The following NELL2 variants were observed in gnomAD, a reference collection of about 807,000 sequenced individuals.
NELL2 encodes the protein protein kinase C-binding protein NELL2.
NELL2 carries 41 observed loss-of-function variants against 109.6 expected under a neutral mutation model. That is an observed-to-expected ratio of 0.37 (90% CI 0.29 to 0.49). The LOEUF (loss-of-function observed/expected upper bound fraction) is 0.49. Ranked by LOEUF, NELL2 falls within the 20% of genes least tolerant of loss-of-function variation. NELL2 has a pLI of 0.98. For synonymous variants in NELL2, 355 were observed against 344.7 expected, an observed-to-expected ratio of 1.03 and a Z score of -0.33; for missense variants, 900 against 1,008.3, an observed-to-expected ratio of 0.89 and a Z score of 1.45.
At chr12:44,541,987 T>G (rs561579843) in intron 15 of NELL2, among the ~76,000 whole-genome samples, 2 of 152,330 alleles carry the variant, frequency 1.3e-5, no homozygotes, top group Non-Finnish European at 2.9e-5. Context: ...ATACACAATG[T>G]TGCCTCACAA....
chr12:44,802,453 C>T (rs543221592), intron 3 of NELL2, among the ~76,000 whole-genome samples: 108 of 151,710 alleles, frequency 7.1e-4, no homozygotes, highest in African/African-American at 2.1e-3. Context: ...CATATATATA[C>T]GCTGATCGTG....
intron 1 of NELL2, among the ~76,000 whole-genome samples, chr12:44,913,257 A>C (rs1309207077): frequency 6.6e-6 from 1 of 152,126 alleles, no homozygotes; most frequent in Non-Finnish European, 1.5e-5. Context: ...TTGAAACATC[A>C]ATCTTTACCC....
At chr12:44,681,704 G>A (rs1948513414) in intron 12 of NELL2, among the ~76,000 whole-genome samples, 1 of 152,064 alleles carries the variant, frequency 6.6e-6, no homozygotes, top group Non-Finnish European at 1.5e-5. Flanking sequence ...TACTGAGAAT[G>A]ATGATTTCCA....
intron 9 of NELL2, among the ~76,000 whole-genome samples, chr12:44,728,319 A>C (rs2136467341): frequency 6.6e-6 from 1 of 152,272 alleles, no homozygotes; most frequent in East Asian, 1.9e-4. Context: ...ACAGATATTT[A>C]GAATGTAAGA....
At chr12:44,754,992 CATTT>C (rs1490203420) in intron 9 of NELL2, among the ~76,000 whole-genome samples, 3 of 152,140 alleles carry the variant, frequency 2.0e-5, no homozygotes, top group South Asian at 2.1e-4. Flanking sequence ...TAGATCCATT[CATTT>C]GTTTTGAACA....
At chr12:44,879,365 A>G (rs374605187), upstream of NELL2, among the ~76,000 whole-genome samples, 2 of 152,308 alleles carry the variant, frequency 1.3e-5, no homozygotes, top group East Asian at 1.9e-4. Context: ...TCCACGGAAA[A>G]CTAATATAAG....
At chr12:44,592,211 T>A (rs1254268118) in intron 15 of NELL2, among the ~76,000 whole-genome samples, 7 of 152,162 alleles carry the variant, frequency 4.6e-5, no homozygotes, top group Admixed American at 3.3e-4. Flanking sequence ...ACCTGCCTCA[T>A]AAAGTTGCTA....
Position 44,540,781 on chromosome 12 carries a change from C to CAAAAAAAAA in NELL2, c.1664-8069_1664-8061dup, listed in dbSNP as rs57205620. Among the ~76,000 whole-genome samples, 24 of 49,748 alleles carry CAAAAAAAAA rather than the reference C, an allele frequency of 4.8e-4. 6 individuals carry two copies. The highest frequency in any genetic ancestry group is 6.5e-4 in the Admixed American group (2 of 3,084). 32.6% of individuals were successfully genotyped at this position (49,748 alleles called of 152,430 possible). A position where few individuals can be genotyped will look rare whatever the true frequency, so the allele number is the denominator to read the frequency against. ...AGCTTACTAATGTAAGTCTGCAAGC[C>CAAAAAAAAA]AAAAAAAAAAAAAAAAAGCCCATCC... is the stretch of plus-strand genomic sequence containing the variant. On this transcript the variant is annotated intron_variant, in intron 15 of 19. Transcript: ENST00000429094.
At chr12:44,664,780 A>G (rs1432223728) in intron 13 of NELL2, among the ~76,000 whole-genome samples, 1 of 152,094 alleles carries the variant, frequency 6.6e-6, no homozygotes, top group Non-Finnish European at 1.5e-5. Flanking sequence ...TCTGTTTCAC[A>G]CCCACATTTC....
intron 11 of NELL2, among the ~76,000 whole-genome samples, chr12:44,709,607 GT>G (rs1377372848): frequency 6.6e-6 from 1 of 152,114 alleles, no homozygotes; most frequent in Non-Finnish European, 1.5e-5. Flanking sequence ...GCAATAGATA[GT>G]TTTTTTGCAG....
chr12:44,838,742 G>T (rs1944130687), intron 2 of NELL2, among the ~76,000 whole-genome samples: 1 of 149,538 alleles, frequency 6.7e-6, no homozygotes, highest in South Asian at 2.1e-4. Context: ...AACCAGACAT[G>T]TCTACAGCTC....
At chr12:44,870,146 T>TTGA (rs1366093499) in intron 2 of NELL2, among the ~76,000 whole-genome samples, 1 of 152,186 alleles carries the variant, frequency 6.6e-6, no homozygotes, top group Admixed American at 6.5e-5. Flanking sequence ...TCAATGGCAG[T>TTGA]TCCTTCAATG....
intron 12 of NELL2, among the ~76,000 whole-genome samples, chr12:44,701,801 A>G (rs1246306845): frequency 1.3e-5 from 2 of 152,056 alleles, no homozygotes; most frequent in African/African-American, 4.8e-5. Flanking sequence ...CATCACTCCC[A>G]ACACAATAGT....
intron 15 of NELL2, among the ~76,000 whole-genome samples, chr12:44,536,721 ATTCTGTCTTAG>A (rs1942307406): frequency 6.6e-6 from 1 of 152,096 alleles, no homozygotes; most frequent in Non-Finnish European, 1.5e-5. Context: ...TTTATTACAT[ATTCTGTCTTAG>A]AAAGGAACTA....
chr12:44,791,854 G>A (rs1942447209), intron 3 of NELL2, among the ~76,000 whole-genome samples: 1 of 152,024 alleles, frequency 6.6e-6, no homozygotes. Context: ...ATAAGTCTGA[G>A]GTGAACAGAG....
Position 44,601,180 on chromosome 12 carries a change from A to G in NELL2, c.1663+5989T>C, listed in dbSNP as rs577749766. On this transcript the variant is annotated intron_variant, in intron 15 of 19. Transcript: ENST00000429094. ...TTTTTCCTCTTACATTTTCTCCATG[A>G]TGTGTCCTCATTTCCAGTGTTAATT... 6.5e-4 allele frequency among the ~76,000 whole-genome samples: 99 copies of G among 152,146 alleles called. 1 individual carries two copies. The South Asian group carries it at 0.015, about 23-fold the overall frequency.
intron 12 of NELL2, among the ~76,000 whole-genome samples, chr12:44,689,731 T>C (rs1458219251): frequency 6.6e-6 from 1 of 152,222 alleles, no homozygotes; most frequent in Non-Finnish European, 1.5e-5. Context: ...TCTACAAACA[T>C]TTTTGGTTGT....
chr12:44,524,187 C>A (rs1239852397), intron 16 of NELL2, among the ~76,000 whole-genome samples: 1 of 152,246 alleles, frequency 6.6e-6, no homozygotes. Context: ...CAACTGGCAA[C>A]TGCCCATACT....
At chr12:44,920,907 A>AT (rs1023251441) in intron 1 of NELL2, among the ~76,000 whole-genome samples, 3 of 152,192 alleles carry the variant, frequency 2.0e-5, no homozygotes, top group Non-Finnish European at 4.4e-5. Context: ...TGTTGCTCAA[A>AT]TGAATACCTC....
Sources: gnomAD v4.1 joint callset for allele counts (sites outside exome capture counted in the v4.1 genomes callset) on GRCh38, gnomAD v4.1.1 for gene constraint, MANE v1.5 for transcripts, NCBI Gene and HGNC (gene_info 2026-07-23, HGNC 2026-07-21) for gene names.